The following TMEM71 variants were observed in gnomAD, a reference collection of about 807,000 sequenced individuals.
The protein encoded by TMEM71 is transmembrane protein 71.
Under a neutral mutation model 38.0 loss-of-function variants are expected in TMEM71, and 44 were observed. The observed-to-expected ratio is 1.16, with a 90% CI of 0.91 to 1.49. The LOEUF is 1.49. TMEM71 is among the 40% of genes most tolerant of loss of function. TMEM71 has a pLI of 0.00. For synonymous variants in TMEM71, 133 were observed against 122.5 expected (o/e 1.09, Z -0.56); for missense variants, 367 against 348.6 (o/e 1.05, Z -0.42).
At chr8:132,757,537 T>G (rs761694456) in intron 2 of TMEM71, among the ~76,000 whole-genome samples, 1 of 151,862 alleles carries the variant, frequency 6.6e-6, no homozygotes, top group Non-Finnish European at 1.5e-5. Flanking sequence ...CACATAACAC[T>G]CTAGAAGTTC....
At chr8:132,743,472 C>T (rs757761040) in intron 5 of TMEM71, among the ~76,000 whole-genome samples, 3 of 152,118 alleles carry the variant, frequency 2.0e-5, no homozygotes, top group Non-Finnish European at 2.9e-5. Context: ...CTACTATTAT[C>T]CCAGGAATTT....
rs1383719474 is a variant in TMEM71 at position 132,710,895 on chromosome 8, G to A, written c.*72C>T. ...CTTCCAATAAAACACTTGATTCCAA[G>A]TAGACTGCAAGTTGGACAATTTCCA... On this transcript the variant is annotated 3_prime_UTR_variant, in exon 10 of 10. Transcript: ENST00000677595. 1.3e-5 allele frequency: 18 copies of A among 1,421,584 alleles called. 1 individual carries two copies. In the East Asian group the frequency reaches 4.1e-4, roughly 33 times the overall value. The allele number at this position is 1,421,584 out of a possible 1,614,324, so 88.1% of individuals were successfully genotyped here. A position where few individuals can be genotyped will look rare whatever the true frequency, so the allele number is the denominator to read the frequency against.
In TMEM71 at chr8:132,710,718, G is replaced by A. The variant is rs1016818084; in HGVS notation, c.*249C>T. ...CGGTCTCTTTTCCATCACATTCCCC[G>A]TCCTTTTCCTTTCAACTGCCGGTGT... On this transcript the variant is annotated 3_prime_UTR_variant, in exon 10 of 10. Transcript: ENST00000677595. 15 of 564,250 alleles carry A rather than the reference G, an allele frequency of 2.7e-5. No individual in the cohort carries two copies. Among genetic ancestry groups the A allele is most frequent in the East Asian group, 3.1e-5 (1 of 32,190 alleles). The allele number at this position is 564,250 out of a possible 1,614,324, so 35.0% of individuals were successfully genotyped here.
chr8:132,753,561 A>C (rs1459387619), intron 3 of TMEM71, among the ~76,000 whole-genome samples: 1 of 152,020 alleles, frequency 6.6e-6, no homozygotes, highest in Non-Finnish European at 1.5e-5. Context: ...CTGCATGCAC[A>C]CCTTCAGTAA....
chr8:132,770,743 C>T, the TMEM71 span, among the ~76,000 whole-genome samples: 1 of 145,378 alleles, frequency 6.9e-6, no homozygotes, highest in African/African-American at 2.4e-5. Context: ...CTGTTACATG[C>T]GACAAAAAGA....
chr8:132,752,232 C>T (rs183019526), intron 3 of TMEM71, among the ~76,000 whole-genome samples: 19 of 152,322 alleles, frequency 1.2e-4, no homozygotes, highest in Admixed American at 2.0e-4. Flanking sequence ...AGTGAAAACA[C>T]GATGGCTAAT....
chr8:132,771,301 G>C, the TMEM71 span, among the ~76,000 whole-genome samples: 1 of 152,046 alleles, frequency 6.6e-6, no homozygotes, highest in African/African-American at 2.4e-5. Context: ...AAGTGTTCAG[G>C]GTTGGATGAT....
intron 5 of TMEM71, among the ~76,000 whole-genome samples, chr8:132,741,560 G>T (rs7002549): frequency 1.4e-5 from 2 of 144,014 alleles, no homozygotes; most frequent in African/African-American, 5.1e-5. Context: ...CGTGGGTCAC[G>T]TGTCCACTGG....
At chr8:132,716,832 A>G (rs1005049838) in intron 7 of TMEM71, among the ~76,000 whole-genome samples, 2 of 152,122 alleles carry the variant, frequency 1.3e-5, no homozygotes, top group African/African-American at 4.8e-5. Flanking sequence ...TACTACATCT[A>G]TCTCTATGGC....
chr8:132,725,014 C>T (rs1827059441), intron 6 of TMEM71, among the ~76,000 whole-genome samples: 1 of 151,250 alleles, frequency 6.6e-6, no homozygotes, highest in Non-Finnish European at 1.5e-5. Flanking sequence ...TATGGAGGGC[C>T]TTTTTTTCTT....
At chr8:132,746,446 C>T (rs145076591) in intron 5 of TMEM71, among the ~76,000 whole-genome samples, 1,339 of 12,596 alleles carry the variant, frequency 0.11, 6 homozygotes, top group Admixed American at 0.16. Context: ...TATACATATA[C>T]ATATACATAT....
upstream of TMEM71, among the ~76,000 whole-genome samples, chr8:132,761,797 A>T (rs1434482540): frequency 6.6e-6 from 1 of 152,214 alleles, no homozygotes; most frequent in East Asian, 1.9e-4. Context: ...GCTTTGATGA[A>T]GCAAGCTGCC....
downstream of TMEM71, among the ~76,000 whole-genome samples, chr8:132,708,658 A>T (rs963565062): frequency 6.6e-6 from 1 of 152,200 alleles, no homozygotes; most frequent in South Asian, 2.1e-4. Flanking sequence ...GAACTCTGGA[A>T]CCTATGACTA....
At chr8:132,727,726 TC>T in intron 6 of TMEM71, 71 bp downstream of exon 6, 1 of 1,391,294 alleles carries the variant, frequency 7.2e-7, no homozygotes, top group Non-Finnish European at 9.9e-7. Flanking sequence ...TTTAGTCATC[TC>T]CAAGTCATTC....
intron 5 of TMEM71, among the ~76,000 whole-genome samples, chr8:132,738,124 G>C (rs1247326409): frequency 1.3e-5 from 2 of 149,266 alleles, no homozygotes; most frequent in East Asian, 3.9e-4. Context: ...ATGAATTATT[G>C]CATTTCATCC....
chr8:132,756,293 A>G (rs1474574890), intron 3 of TMEM71, among the ~76,000 whole-genome samples: 1 of 151,640 alleles, frequency 6.6e-6, no homozygotes, highest in Non-Finnish European at 1.5e-5. Flanking sequence ...AAGATAGGAA[A>G]GCATATTTAA....
chr8:132,721,866 G>A (rs1156906999), intron 7 of TMEM71, among the ~76,000 whole-genome samples, 174 bp downstream of exon 7: 2 of 152,082 alleles, frequency 1.3e-5, no homozygotes, highest in East Asian at 1.9e-4. Context: ...CTTTGTGAGA[G>A]GATAGAGGTG....
chr8:132,734,779 AT>A (rs1165136316), intron 5 of TMEM71, among the ~76,000 whole-genome samples: 2 of 152,188 alleles, frequency 1.3e-5, no homozygotes, highest in Non-Finnish European at 2.9e-5. Flanking sequence ...GGCAAAAAAT[AT>A]TTTACCAAAT....
At position 132,758,910 on chromosome 8, in the gene TMEM71, G is replaced by C; in HGVS notation, c.-31C>G. The C allele has an allele frequency of 6.2e-7, 1 of 1,605,948 alleles. No homozygotes were observed. The highest frequency in any genetic ancestry group is 8.5e-7 in the Non-Finnish European group (1 of 1,173,064). On this transcript the variant is annotated 5_prime_UTR_variant, in exon 2 of 10. The change creates a new upstream start codon in the 5' untranslated region. Coordinates refer to ENST00000677595, the MANE Select transcript of TMEM71 (RefSeq NM_001382403.1). ...GAAGGCCGCTTGCTCAAACTTCACA[G>C]ATTCTCTGCAAAAGATGTTAAAAAA...
Sources: gnomAD v4.1 joint callset for allele counts (sites outside exome capture counted in the v4.1 genomes callset) on GRCh38, gnomAD v4.1.1 for gene constraint, MANE v1.5 for transcripts, NCBI Gene and HGNC (gene_info 2026-07-23, HGNC 2026-07-21) for gene names.